The following ZBTB16 variants were observed in gnomAD, a reference collection of about 807,000 sequenced individuals.
ZBTB16 encodes the protein zinc finger and BTB domain containing 16.
A neutral mutation model predicts 56.8 loss-of-function variants in ZBTB16; 8 were observed. That is an observed-to-expected ratio of 0.14 (90% confidence interval 0.08 to 0.25). The LOEUF (loss-of-function observed/expected upper bound fraction) is 0.25, where lower values mean the gene tolerates loss of function less well. Ranked by LOEUF, ZBTB16 falls within the 10% of genes least tolerant of loss-of-function variation. ZBTB16 has a pLI of 1.00. For missense variants in ZBTB16, 625 were observed against 903.0 expected (o/e 0.69, Z 3.95); for synonymous variants, 363 against 368.5 (o/e 0.98, Z 0.17).
rs563446196 is a variant in ZBTB16, at chr11:114,165,396, G to A, written c.1366+8962G>A. On this transcript the variant is annotated intron_variant, in intron 3 of 6. Transcript: ENST00000335953. ...GGTTAGGCTTTACAAGGCCCTTATT[G>A]GACTTTGCTGGTACTGTGCTCTCCT... 2.6e-4 allele frequency among the ~76,000 whole-genome samples: 39 copies of A among 152,298 alleles called. No individual in the cohort carries two copies. The South Asian group carries it at 7.9e-3, about 31-fold the overall frequency.
chr11:114,104,622 C>T (rs1175885975), intron 2 of ZBTB16, among the ~76,000 whole-genome samples: 1 of 152,102 alleles, frequency 6.6e-6, no homozygotes, highest in Non-Finnish European at 1.5e-5. Flanking sequence ...AAGGGATGGA[C>T]CTGCAGGAAG....
chr11:114,177,270 T>C (rs546950750), intron 3 of ZBTB16, among the ~76,000 whole-genome samples: 1 of 152,308 alleles, frequency 6.6e-6, no homozygotes, highest in African/African-American at 2.4e-5. Context: ...AAGCCGTCTC[T>C]GGATTTGAGC....
chr11:114,070,034 C>T (rs966523189), intron 2 of ZBTB16, among the ~76,000 whole-genome samples: 3 of 150,400 alleles, frequency 2.0e-5, no homozygotes, highest in Non-Finnish European at 4.4e-5. Flanking sequence ...TGTTTGATTA[C>T]AGAGTGCTGC....
At chr11:114,146,067 A>C (rs1942090939) in intron 2 of ZBTB16, among the ~76,000 whole-genome samples, 1 of 152,200 alleles carries the variant, frequency 6.6e-6, no homozygotes, top group Middle Eastern at 3.2e-3. Context: ...GCCTGACTTT[A>C]CTGGAGTCCA....
At chr11:114,154,849 G>C (rs1263764949) in intron 2 of ZBTB16, among the ~76,000 whole-genome samples, 1 of 152,184 alleles carries the variant, frequency 6.6e-6, no homozygotes, top group Non-Finnish European at 1.5e-5. Context: ...AGAGAACTTT[G>C]TGTGATCCCT....
chr11:114,137,617 G>C (rs1248173412), intron 2 of ZBTB16, among the ~76,000 whole-genome samples: 1 of 152,190 alleles, frequency 6.6e-6, no homozygotes, highest in Non-Finnish European at 1.5e-5. Context: ...GAGGCTTCCA[G>C]CGAGACAATT....
Position 114,250,629 on chromosome 11 carries a change from T to C in ZBTB16, c.*74T>C, listed in dbSNP as rs1320940380. 2.7e-6 allele frequency: 4 copies of C among 1,460,112 alleles called. No individual in the cohort carries two copies. The highest frequency in any genetic ancestry group is 3.8e-6 in the Non-Finnish European group (4 of 1,062,924). 90.4% of individuals were successfully genotyped at this position (1,460,112 alleles called of 1,614,324 possible). ...TTGGAGTGAGATGAAGGAAGGACTA[T>C]GACAAATAAAAAAGGAAAAGAAAAA... On this transcript the variant is annotated 3_prime_UTR_variant, in exon 7 of 7. Transcript: ENST00000335953. The surrounding 1 kb of genome is among the most constrained non-coding windows in gnomAD (Gnocchi z 6.0).
intron 2 of ZBTB16, among the ~76,000 whole-genome samples, chr11:114,123,883 A>G (rs977559303): frequency 1.3e-5 from 2 of 152,180 alleles, no homozygotes; most frequent in African/African-American, 4.8e-5. Flanking sequence ...CCAGGCTGCT[A>G]CGGGAGCCTT....
chr11:114,247,595 C>T (rs2135211823), intron 6 of ZBTB16, among the ~76,000 whole-genome samples: 2 of 152,338 alleles, frequency 1.3e-5, no homozygotes, highest in East Asian at 1.9e-4. Flanking sequence ...AATCCCAGCA[C>T]ACTTTCCAGT....
intron 1 of ZBTB16, among the ~76,000 whole-genome samples, chr11:114,062,165 A>G (rs2735190): frequency 0.99 from 150,671 of 151,470 alleles, 74,945 homozygotes; most frequent in Middle Eastern, 1. Flanking sequence ...GTGCAGTGGC[A>G]CAATCTCGGC....
At chr11:114,154,492 C>T (rs1008645228) in intron 2 of ZBTB16, among the ~76,000 whole-genome samples, 1 of 152,220 alleles carries the variant, frequency 6.6e-6, no homozygotes, top group Admixed American at 6.5e-5. Flanking sequence ...GACAGGAATA[C>T]TCCACCATCG....
chr11:114,119,415 C>T (rs1214951589), intron 2 of ZBTB16, among the ~76,000 whole-genome samples: 2 of 151,764 alleles, frequency 1.3e-5, no homozygotes, highest in Non-Finnish European at 2.9e-5. Flanking sequence ...CTCTCTACCA[C>T]TGCTTTCCCC....
chr11:114,197,100 C>T (rs1299360682), intron 4 of ZBTB16, among the ~76,000 whole-genome samples: 4 of 152,202 alleles, frequency 2.6e-5, no homozygotes, highest in South Asian at 4.1e-4. Flanking sequence ...TTAGGGCCCA[C>T]GAGTTCAGCC....
intron 2 of ZBTB16, among the ~76,000 whole-genome samples, chr11:114,117,845 T>G (rs1457340465): frequency 6.6e-6 from 1 of 152,194 alleles, no homozygotes. Context: ...GAAAACAGTA[T>G]TTTTGGAGTC....
intron 3 of ZBTB16, among the ~76,000 whole-genome samples, chr11:114,182,204 C>G (rs1018112084): frequency 2.0e-5 from 3 of 152,114 alleles, no homozygotes; most frequent in Admixed American, 6.5e-5. Flanking sequence ...AATCAGCCAC[C>G]ATGCCTGGCC....
intron 3 of ZBTB16, among the ~76,000 whole-genome samples, chr11:114,170,115 G>C (rs1942917336): frequency 1.3e-5 from 2 of 152,186 alleles, no homozygotes; most frequent in Non-Finnish European, 2.9e-5. Context: ...CCTCCAAGTT[G>C]AGGCATCCAT....
intron 4 of ZBTB16, among the ~76,000 whole-genome samples, chr11:114,238,723 C>T (rs1944645918): frequency 6.6e-6 from 1 of 152,102 alleles, no homozygotes; most frequent in South Asian, 2.1e-4. Context: ...CTGGCATATG[C>T]AGCCCTCTGA....
At chr11:114,195,577 A>G (rs1943587306) in intron 4 of ZBTB16, among the ~76,000 whole-genome samples, 1 of 152,190 alleles carries the variant, frequency 6.6e-6, no homozygotes, top group Non-Finnish European at 1.5e-5. Context: ...ATTGCAGGGA[A>G]GAGGAACCCC....
intron 2 of ZBTB16, among the ~76,000 whole-genome samples, chr11:114,136,738 A>C (rs954007482): frequency 6.6e-6 from 1 of 151,938 alleles, no homozygotes; most frequent in African/African-American, 2.4e-5. Flanking sequence ...ACTCTTCGTC[A>C]CAGAACTTGA....
Sources: allele counts gnomAD v4.1 joint callset (sites outside exome capture counted in the v4.1 genomes callset), GRCh38; gene constraint gnomAD v4.1.1; non-coding constraint Gnocchi (gnomAD v3.1); transcripts MANE v1.5; gene names NCBI Gene and HGNC (gene_info 2026-07-23, HGNC 2026-07-21).